DACH1: variants seen among roughly 807,000 people sequenced by gnomAD.
DACH1 encodes dachshund homolog 1.
In DACH1, 12 loss-of-function variants were observed where a neutral mutation model predicts 54.2. That is an observed-to-expected ratio of 0.22 (90% CI 0.14 to 0.36). The LOEUF is 0.36. Among genes scored for constraint, DACH1 ranks in the 10% least tolerant of loss-of-function variants. The pLI is 1.00. For synonymous variants in DACH1, 386 were observed against 366.2 expected (o/e 1.05, Z -0.62); for missense variants, 805 against 929.8 (o/e 0.87, Z 1.75).
At chr13:71,665,899 T>A (rs891294508) in intron 2 of DACH1, among the ~76,000 whole-genome samples, 1 of 152,128 alleles carries the variant, frequency 6.6e-6, no homozygotes, top group Admixed American at 6.5e-5. Context: ...AAATTTTGTG[T>A]ACCTTAATAC....
chr13:71,658,741 G>C (rs1879302145), intron 2 of DACH1, among the ~76,000 whole-genome samples: 1 of 152,144 alleles, frequency 6.6e-6, no homozygotes, highest in South Asian at 2.1e-4. Flanking sequence ...ACTGTGATTT[G>C]AGGAAGAGAT....
intron 1 of DACH1, among the ~76,000 whole-genome samples, chr13:71,695,298 A>C (rs1480003301): frequency 2.0e-5 from 3 of 152,206 alleles, no homozygotes; most frequent in African/African-American, 7.2e-5. Flanking sequence ...GTGCACAGAC[A>C]TGTGCTAGGT....
chr13:71,450,787 A>G (rs1425524615), intron 10 of DACH1, among the ~76,000 whole-genome samples: 1 of 152,186 alleles, frequency 6.6e-6, no homozygotes. Context: ...AGAAAGTTTG[A>G]GGGTTCTGAA....
At chr13:71,649,325 G>A (rs751269578) in intron 2 of DACH1, among the ~76,000 whole-genome samples, 8 of 152,176 alleles carry the variant, frequency 5.3e-5, no homozygotes, top group South Asian at 4.2e-4. Flanking sequence ...ATGTATCTTC[G>A]TCATTAAGGG....
At chr13:71,765,087 T>G (rs575712318) in intron 1 of DACH1, among the ~76,000 whole-genome samples, 2 of 152,322 alleles carry the variant, frequency 1.3e-5, no homozygotes, top group Admixed American at 1.3e-4. Flanking sequence ...CTGATACCAA[T>G]ACAGTCTACT....
intron 7 of DACH1, among the ~76,000 whole-genome samples, chr13:71,486,167 T>A (rs980964727): frequency 6.6e-6 from 1 of 151,890 alleles, no homozygotes; most frequent in Admixed American, 6.6e-5. Flanking sequence ...TAAATTATAA[T>A]ATATAAATTA....
chr13:71,744,612 C>G (rs1010932405), intron 1 of DACH1, among the ~76,000 whole-genome samples: 1 of 152,170 alleles, frequency 6.6e-6, no homozygotes, highest in African/African-American at 2.4e-5. Flanking sequence ...TGTAGCCAAA[C>G]AGTAAGACCA....
chr13:71,496,294 TATATATATATATAC>T (rs1255724554), intron 6 of DACH1, among the ~76,000 whole-genome samples: 75 of 123,354 alleles, frequency 6.1e-4, no homozygotes, highest in African/African-American at 2.3e-3. Flanking sequence ...TATATATATA[TATATATATATATAC>T]ACACACAAAA....
chr13:71,474,160 A>G (rs1593750466), intron 10 of DACH1, among the ~76,000 whole-genome samples: 1 of 152,306 alleles, frequency 6.6e-6, no homozygotes, highest in East Asian at 1.9e-4. Flanking sequence ...AGGCAAAAAA[A>G]AATCCATTCT....
At chr13:71,531,106 G>GTTAGA (rs1233280931) in intron 6 of DACH1, among the ~76,000 whole-genome samples, 2 of 152,000 alleles carry the variant, frequency 1.3e-5, no homozygotes, top group African/African-American at 4.8e-5. Flanking sequence ...GCTTCCTCTT[G>GTTAGA]TTAGATACTA....
chr13:71,740,126 G>A (rs1225962299), intron 1 of DACH1, among the ~76,000 whole-genome samples: 2 of 152,020 alleles, frequency 1.3e-5, no homozygotes, highest in African/African-American at 2.4e-5. Flanking sequence ...AATCCCACAC[G>A]CAAAAGTAGT....
rs1240906051 is a variant in DACH1, at chr13:71,630,731, A to T, written c.965-14T>A. On this transcript the variant is annotated splice_polypyrimidine_tract_variant and intron_variant, in intron 2 of 10. Coordinates refer to ENST00000613252, the MANE Select transcript of DACH1 (RefSeq NM_080759.6). ...CTGCTGTCAGACCTTAAAAGAATAAATTAAAAATGAGGTAATTCAAATTCT... is the reference window on the plus strand; with the variant it reads ...CTGCTGTCAGACCTTAAAAGAATAATTTAAAAATGAGGTAATTCAAATTCT... 6 of 1,546,998 alleles carry T rather than the reference A, an allele frequency of 3.9e-6. No individual in the cohort carries two copies. The South Asian group carries it at 7.4e-5, about 19-fold the overall frequency.
chr13:71,559,638 T>C (rs1420583569), intron 5 of DACH1, among the ~76,000 whole-genome samples, 182 bp downstream of exon 5: 4 of 152,206 alleles, frequency 2.6e-5, no homozygotes, highest in Non-Finnish European at 5.9e-5. Flanking sequence ...GACCTGTTAA[T>C]GTAGTATCAT....
intron 3 of DACH1, among the ~76,000 whole-genome samples, chr13:71,625,588 T>G (rs1390378195): frequency 6.6e-6 from 1 of 151,784 alleles, no homozygotes; most frequent in Non-Finnish European, 1.5e-5. Context: ...AACTAAGGAG[T>G]GATAAATACC....
At chr13:71,828,554 G>A (rs1888467049) in intron 1 of DACH1, among the ~76,000 whole-genome samples, 1 of 151,494 alleles carries the variant, frequency 6.6e-6, no homozygotes, top group Non-Finnish European at 1.5e-5. Flanking sequence ...ACAAAAGCAT[G>A]TATTCAACCA....
At chr13:71,739,479 A>G (rs1242028151) in intron 1 of DACH1, among the ~76,000 whole-genome samples, 5 of 152,228 alleles carry the variant, frequency 3.3e-5, no homozygotes, top group African/African-American at 4.8e-5. Context: ...TCAAGTTATT[A>G]TGTTTCAATA....
intron 3 of DACH1, among the ~76,000 whole-genome samples, chr13:71,576,856 C>T (rs1374964180): frequency 4.6e-5 from 7 of 152,092 alleles, no homozygotes; most frequent in African/African-American, 1.7e-4. Flanking sequence ...TTCAACCATC[C>T]TGTCTTCCTC....
At chr13:71,840,297 G>A (rs554315402) in intron 1 of DACH1, among the ~76,000 whole-genome samples, 57 of 152,162 alleles carry the variant, frequency 3.7e-4, no homozygotes, top group African/African-American at 1.3e-3. Context: ...GGTTTAAAAC[G>A]CCTTCAATTT....
intron 2 of DACH1, among the ~76,000 whole-genome samples, chr13:71,651,701 T>C (rs1878694644): frequency 6.6e-6 from 1 of 151,912 alleles, no homozygotes; most frequent in African/African-American, 2.4e-5. Flanking sequence ...TATGTATATG[T>C]ATATGTATAT....
Sources: allele counts gnomAD v4.1 joint callset (sites outside exome capture counted in the v4.1 genomes callset), GRCh38; gene constraint gnomAD v4.1.1; transcripts MANE v1.5; gene names NCBI Gene and HGNC (gene_info 2026-07-23, HGNC 2026-07-21).